DENND1A: variants seen among roughly 807,000 people sequenced by gnomAD.
DENND1A encodes the protein DENN domain-containing protein 1A.
Under a neutral mutation model 113.7 loss-of-function variants are expected in DENND1A, and 51 were observed. The observed-to-expected ratio is 0.45, with a 90% CI of 0.36 to 0.57. DENND1A has a LOEUF of 0.57. Among genes scored for constraint, DENND1A ranks in the 20% least tolerant of loss-of-function variants. DENND1A has a pLI of 0.00. For missense variants in DENND1A, 1,258 were observed against 1,395.9 expected (o/e 0.90, Z 1.57); for synonymous variants, 565 against 570.8 (o/e 0.99, Z 0.14).
intron 1 of DENND1A, among the ~76,000 whole-genome samples, chr9:123,912,492 AT>A (rs900995977): frequency 8.5e-5 from 13 of 152,156 alleles, no homozygotes; most frequent in African/African-American, 2.9e-4. Context: ...AAGTCAAAAA[AT>A]TTTTTAAGAA....
At chr9:123,472,670 C>T (rs945011322) in intron 13 of DENND1A, among the ~76,000 whole-genome samples, 3 of 152,164 alleles carry the variant, frequency 2.0e-5, no homozygotes, top group African/African-American at 7.2e-5. Flanking sequence ...CTGAGTTGCT[C>T]CCATTTCCTT....
chr9:123,537,857 A>G (rs995474399), intron 13 of DENND1A, among the ~76,000 whole-genome samples: 6 of 152,236 alleles, frequency 3.9e-5, no homozygotes, highest in East Asian at 1.9e-4. Context: ...GTGATTATCA[A>G]CTTTTAACAA....
At chr9:123,503,929 G>A (rs2052701337) in intron 13 of DENND1A, among the ~76,000 whole-genome samples, 1 of 152,192 alleles carries the variant, frequency 6.6e-6, no homozygotes, top group African/African-American at 2.4e-5. Context: ...TCTGACAGGG[G>A]AACTGAGTCA....
intron 10 of DENND1A, among the ~76,000 whole-genome samples, chr9:123,622,965 G>C (rs930780895): frequency 6.6e-6 from 1 of 152,158 alleles, no homozygotes; most frequent in Non-Finnish European, 1.5e-5. Flanking sequence ...CAAAGTCAAA[G>C]GAATGGCACA....
intron 2 of DENND1A, among the ~76,000 whole-genome samples, chr9:123,825,108 A>G (rs914160182): frequency 6.6e-6 from 1 of 152,164 alleles, no homozygotes; most frequent in Non-Finnish European, 1.5e-5. Flanking sequence ...ATGAAACACC[A>G]AAACAAAAAA....
chr9:123,705,497 T>G (rs1207329882), intron 5 of DENND1A, among the ~76,000 whole-genome samples: 1 of 152,120 alleles, frequency 6.6e-6, no homozygotes, highest in Non-Finnish European at 1.5e-5. Context: ...AGATCAATAT[T>G]CAGAAATCAA....
chr9:123,429,637 C>T (rs551666172), intron 19 of DENND1A, among the ~76,000 whole-genome samples: 2 of 152,068 alleles, frequency 1.3e-5, no homozygotes, highest in Admixed American at 6.5e-5. Flanking sequence ...AAGTGGCTAG[C>T]GATATGCAGA....
chr9:123,852,325 C>T (rs1843509391), intron 2 of DENND1A, among the ~76,000 whole-genome samples: 1 of 152,048 alleles, frequency 6.6e-6, no homozygotes, highest in Non-Finnish European at 1.5e-5. Context: ...TTTTGGGGAC[C>T]TTGGGGAGGC....
chr9:123,651,830 G>A (rs1416635378), intron 9 of DENND1A, among the ~76,000 whole-genome samples, 183 bp downstream of exon 9: 1 of 147,936 alleles, frequency 6.8e-6, no homozygotes, highest in Non-Finnish European at 1.5e-5. Context: ...GCGACTACAG[G>A]AATAAATGAA....
chr9:123,746,017 G>A (rs1337146640), intron 5 of DENND1A, among the ~76,000 whole-genome samples: 1 of 152,210 alleles, frequency 6.6e-6, no homozygotes, highest in Non-Finnish European at 1.5e-5. Flanking sequence ...ATTTAGGGAT[G>A]TATACATAGG....
At chr9:123,521,855 T>G (rs899373131) in intron 13 of DENND1A, among the ~76,000 whole-genome samples, 3 of 152,092 alleles carry the variant, frequency 2.0e-5, no homozygotes, top group African/African-American at 4.8e-5. Flanking sequence ...GATGCTACCA[T>G]CCCCCGACCT....
intron 13 of DENND1A, among the ~76,000 whole-genome samples, chr9:123,514,060 TTTGAG>T (rs1564630073): frequency 7.7e-6 from 1 of 129,154 alleles, no homozygotes; most frequent in Non-Finnish European, 1.6e-5. Flanking sequence ...AGGGTTCTAT[TTTGAG>T]GTGTGTGTGT....
intron 13 of DENND1A, among the ~76,000 whole-genome samples, chr9:123,534,988 G>A (rs904993339): frequency 6.6e-6 from 1 of 152,060 alleles, no homozygotes; most frequent in East Asian, 1.9e-4. Flanking sequence ...ACAAAAAGTT[G>A]GAGGCAGACC....
chr9:123,414,448 A>G, intron 19 of DENND1A: 1 of 1,477,070 alleles, frequency 6.8e-7, no homozygotes. Flanking sequence ...TCTCAGTGGA[A>G]GGCCGGCATC....
chr9:123,481,619 G>T (rs1048546572), intron 13 of DENND1A, among the ~76,000 whole-genome samples: 1 of 152,288 alleles, frequency 6.6e-6, no homozygotes, highest in Non-Finnish European at 1.5e-5. Flanking sequence ...ACTAAGTAGA[G>T]GTCTGCAGTA....
chr9:123,517,063 A>G (rs2808402), intron 13 of DENND1A, among the ~76,000 whole-genome samples: 130,447 of 151,592 alleles, frequency 0.86, 56,437 homozygotes, highest in Middle Eastern at 0.91. Flanking sequence ...GAATCTTTAT[A>G]TATAAGGTGA....
intron 13 of DENND1A, among the ~76,000 whole-genome samples, chr9:123,548,227 T>A (rs1251763508): frequency 6.6e-6 from 1 of 152,268 alleles, no homozygotes; most frequent in East Asian, 1.9e-4. Context: ...CAGGACATGA[T>A]CTTGACTTCA....
At position 123,707,169 on chromosome 9, in the gene DENND1A, C is replaced by T. The variant is rs1042389698; in HGVS notation, c.303-30380G>A. On this transcript the variant is annotated intron_variant, in intron 5 of 23. Transcript: ENST00000394215. ...CAGCACTTTGGGAGGCCAAGGCAGGCGGATCACCTGATATCAGGAGTTTGA... is the reference window on the plus strand; with the variant it reads ...CAGCACTTTGGGAGGCCAAGGCAGGTGGATCACCTGATATCAGGAGTTTGA... 7.9e-5 allele frequency among the ~76,000 whole-genome samples: 12 copies of T among 152,166 alleles called. No individual in the cohort carries two copies. In the East Asian group the frequency reaches 2.3e-3, roughly 29 times the overall value.
intron 9 of DENND1A, among the ~76,000 whole-genome samples, chr9:123,635,693 T>C (rs961837413): frequency 6.6e-6 from 1 of 152,250 alleles, no homozygotes; most frequent in Non-Finnish European, 1.5e-5. Context: ...AACTAAGGTG[T>C]TGTAGTGTCT....
Sources: allele counts gnomAD v4.1 joint callset (sites outside exome capture counted in the v4.1 genomes callset), GRCh38; gene constraint gnomAD v4.1.1; transcripts MANE v1.5; gene names NCBI Gene and HGNC (gene_info 2026-07-23, HGNC 2026-07-21).